The following NPNT variants were observed in gnomAD, a reference collection of about 807,000 sequenced individuals.
The protein encoded by NPNT is nephronectin.
A neutral mutation model predicts 68.6 loss-of-function variants in NPNT; 45 were observed. The observed-to-expected ratio is 0.66, with a 90% CI of 0.52 to 0.84. NPNT has a LOEUF of 0.84. Ranked by LOEUF, NPNT falls within the 40% of genes least tolerant of loss-of-function variation. The pLI, the probability that NPNT is intolerant of heterozygous loss-of-function variation, is 0.00. For synonymous variants in NPNT, 233 were observed against 253.3 expected (o/e 0.92, Z 0.76); for missense variants, 672 against 714.8 (o/e 0.94, Z 0.68).
At chr4:105,940,358 C>G (rs2149373595) in intron 6 of NPNT, 149 bp downstream of exon 6, 1 of 1,016,790 alleles carries the variant, frequency 9.8e-7, no homozygotes, top group Middle Eastern at 2.1e-4. Flanking sequence ...ACTGGTAGTT[C>G]TCAGTCTACA....
chr4:105,942,115 GTA>G (rs1345363227), intron 7 of NPNT, among the ~76,000 whole-genome samples, 190 bp from the exon 8 acceptor site: 7 of 72,272 alleles, frequency 9.7e-5, no homozygotes, highest in African/African-American at 3.4e-4. Flanking sequence ...CTGTGTGTGT[GTA>G]TATATATATA....
intron 2 of NPNT, among the ~76,000 whole-genome samples, chr4:105,901,791 CT>C (rs777462661): frequency 6.6e-6 from 1 of 152,252 alleles, no homozygotes; most frequent in East Asian, 1.9e-4. Context: ...ATTTTGGATT[CT>C]TATCGGCTTC....
At chr4:105,944,286 T>C (rs1189226897) in intron 8 of NPNT, among the ~76,000 whole-genome samples, 1 of 152,204 alleles carries the variant, frequency 6.6e-6, no homozygotes, top group Non-Finnish European at 1.5e-5. Context: ...CTCTCCTTTT[T>C]AAATTCTCAT....
At chr4:105,926,369 A>G (rs1728680473) in intron 2 of NPNT, among the ~76,000 whole-genome samples, 1 of 152,204 alleles carries the variant, frequency 6.6e-6, no homozygotes, top group Non-Finnish European at 1.5e-5. Context: ...CATATTTGGT[A>G]CAGAACAAGG....
At chr4:105,944,067 A>G (rs1417142854) in intron 8 of NPNT, among the ~76,000 whole-genome samples, 3 of 152,144 alleles carry the variant, frequency 2.0e-5, no homozygotes, top group Admixed American at 6.6e-5. Context: ...TCCTCTGGGT[A>G]ATTGTCCATT....
intron 2 of NPNT, among the ~76,000 whole-genome samples, chr4:105,919,911 C>T (rs1363089053): frequency 2.0e-5 from 3 of 151,928 alleles, no homozygotes; most frequent in Non-Finnish European, 2.9e-5. Context: ...TTTTGATACC[C>T]TGTTCCCCAA....
At chr4:105,906,258 T>A (rs571915776) in intron 2 of NPNT, among the ~76,000 whole-genome samples, 2 of 152,334 alleles carry the variant, frequency 1.3e-5, no homozygotes, top group African/African-American at 4.8e-5. Flanking sequence ...GTGGGAGGAA[T>A]TATGGTTTTA....
intron 7 of NPNT, 70 bp from the exon 8 acceptor site, chr4:105,942,233 ATGTC>A (rs1730026632): frequency 8.6e-7 from 1 of 1,159,718 alleles, no homozygotes; most frequent in Non-Finnish European, 1.2e-6. Context: ...AGATGTTTTT[ATGTC>A]TGTCAGTGTA....
intron 7 of NPNT, among the ~76,000 whole-genome samples, 171 bp from the exon 8 acceptor site, chr4:105,942,136 T>TATATATATATATATATAGAGAC (rs140603677): frequency 1.4e-5 from 2 of 147,740 alleles, no homozygotes; most frequent in African/African-American, 5.1e-5. Flanking sequence ...TATATATATA[T>TATATATATATATATATAGAGAC]ACACACATAT....
intron 8 of NPNT, among the ~76,000 whole-genome samples, chr4:105,955,047 G>A (rs909283157): frequency 3.3e-5 from 5 of 152,244 alleles, no homozygotes; most frequent in Non-Finnish European, 7.3e-5. Flanking sequence ...GAGGCAGGAT[G>A]CATGGACAGA....
Position 105,923,363 on chromosome 4 carries a change from A to G in NPNT, c.173-3973A>G, listed in dbSNP as rs529175086. Among the ~76,000 whole-genome samples, 8 of 152,274 alleles carry G rather than the reference A, an allele frequency of 5.3e-5. No individual in the cohort carries two copies. In the South Asian group the frequency reaches 1.7e-3, roughly 32 times the overall value. On this transcript the variant is annotated intron_variant, in intron 2 of 11. Transcript: ENST00000379987. ...GTATATGGTATTGTAGGTATAAAAT[A>G]AATTTGATGAGTTTTATTTCTGTAC...
chr4:105,947,050 C>T (rs1169822631), intron 8 of NPNT, among the ~76,000 whole-genome samples: 3 of 152,098 alleles, frequency 2.0e-5, no homozygotes, highest in African/African-American at 4.8e-5. Context: ...GCATTCCTTT[C>T]CCAGGGTATT....
chr4:105,945,329 A>G (rs1015893132), intron 8 of NPNT, among the ~76,000 whole-genome samples: 7 of 152,162 alleles, frequency 4.6e-5, no homozygotes, highest in Admixed American at 2.6e-4. Context: ...TATAACAAGA[A>G]CACATCTTCA....
chr4:105,912,329 A>G, intron 2 of NPNT: 1 of 887,600 alleles, frequency 1.1e-6, no homozygotes, highest in Non-Finnish European at 1.7e-6. Flanking sequence ...TGTAAACAAA[A>G]CATTAGTTGT....
At chr4:105,927,595 C>A (rs1042808208) in intron 3 of NPNT, 167 bp downstream of exon 3, 2 of 382,950 alleles carry the variant, frequency 5.2e-6, no homozygotes, top group East Asian at 8.3e-5. Context: ...TGTAAAATTT[C>A]TTTTATCAAA....
In NPNT at chr4:105,958,460, TTC is replaced by T; in HGVS notation, c.1160-7_1160-6del. The T allele has an allele frequency of 6.3e-7, 1 of 1,580,986 alleles. No individual in the cohort carries two copies. Among genetic ancestry groups the T allele is most frequent in the South Asian group, 1.1e-5 (1 of 90,106 alleles). ...ACACACACACAAAAACTCAAAACCT[TTC>T]TCTTGCAGTTCCACGGCAACCTTCA... On this transcript the variant is annotated splice_polypyrimidine_tract_variant and intron_variant, in intron 8 of 11. Coordinates refer to ENST00000379987, the MANE Select transcript of NPNT (RefSeq NM_001033047.3).
At chr4:105,960,995 T>C (rs1731677512) in intron 10 of NPNT, among the ~76,000 whole-genome samples, 2 of 152,244 alleles carry the variant, frequency 1.3e-5, no homozygotes, top group South Asian at 4.1e-4. Context: ...GAATCTCTTT[T>C]AATTTTACTT....
chr4:105,913,347 T>C (rs1354663548), intron 2 of NPNT, among the ~76,000 whole-genome samples: 1 of 152,234 alleles, frequency 6.6e-6, no homozygotes, highest in African/African-American at 2.4e-5. Context: ...CTAGCAGTTA[T>C]AGGATTGACT....
intron 2 of NPNT, among the ~76,000 whole-genome samples, chr4:105,916,376 T>C (rs1206938994): frequency 2.0e-5 from 3 of 151,734 alleles, no homozygotes; most frequent in African/African-American, 7.2e-5. Context: ...TACACCACCA[T>C]GCCCATATAA....
Sources: allele counts gnomAD v4.1 joint callset (sites outside exome capture counted in the v4.1 genomes callset), GRCh38; gene constraint gnomAD v4.1.1; transcripts MANE v1.5; gene names NCBI Gene and HGNC (gene_info 2026-07-23, HGNC 2026-07-21).